USH1C: variants seen among roughly 807,000 people sequenced by gnomAD.
USH1C encodes the protein USH1 protein network component harmonin.
In USH1C, 90 loss-of-function variants were observed where a neutral mutation model predicts 119.3. The ratio of observed to expected loss-of-function variants is 0.75; its 90% confidence interval spans 0.64 to 0.90. The LOEUF is 0.90. USH1C is among the 40% of genes least tolerant of loss of function. The pLI, the probability that USH1C is intolerant of heterozygous loss-of-function variation, is 0.00. For synonymous variants in USH1C, 465 were observed against 443.3 expected (o/e 1.05, Z -0.62); for missense variants, 1,165 against 1,167.7 (o/e 1.00, Z 0.03).
rs547456891 is a variant in USH1C at position 17,540,713 on chromosome 11, G to C, written c.36+3559C>G. Reference sequence around the variant, plus strand: ...CGCAGCCAATCCATCAGCAAAGCCTGTCAGTTTTTCCTTTAACATGTATCC... The same window carrying C: ...CGCAGCCAATCCATCAGCAAAGCCTCTCAGTTTTTCCTTTAACATGTATCC... On this transcript the variant is annotated intron_variant, in intron 1 of 26. Transcript: ENST00000005226. Among the ~76,000 whole-genome samples the C allele has an allele frequency of 2.9e-3, 445 of 152,270 alleles. 3 individuals are homozygous for C. Among genetic ancestry groups the C allele is most frequent in the Middle Eastern group, 6.8e-3 (2 of 292 alleles).
In USH1C at chr11:17,531,346, G is replaced by T. The variant is rs189420616; in HGVS notation, c.248+53C>A. The T allele has an allele frequency of 1.9e-6, 3 of 1,613,702 alleles. No individual in the cohort carries two copies. Among genetic ancestry groups the T allele is most frequent in the Non-Finnish European group, 2.5e-6 (3 of 1,179,910 alleles). On this transcript the variant is annotated intron_variant, in intron 3 of 26. Coordinates refer to ENST00000005226, the MANE Select transcript of USH1C (RefSeq NM_153676.4). The surrounding 1 kb of genome is among the most constrained non-coding windows in gnomAD (Gnocchi z 4.2). ...GCAGCTTGGCTGCCAGCACTGCCCC[G>T]CCCAGGGTGATCTCTCCACCCCCTG...
chr11:17,523,343 G>A (rs1592004802), intron 10 of USH1C, 76 bp from the exon 11 acceptor site: 1 of 1,613,168 alleles, frequency 6.2e-7, no homozygotes, highest in East Asian at 2.2e-5. Context: ...GAAGGCCCCA[G>A]GCTCCAGGGT....
In USH1C at chr11:17,531,298, A is replaced by G; in HGVS notation, c.249-6T>C. 1.2e-6 allele frequency: 2 copies of G among 1,614,132 alleles called. No homozygotes were observed. Among genetic ancestry groups the G allele is most frequent in the Non-Finnish European group, 1.7e-6 (2 of 1,180,036 alleles). On this transcript the variant is annotated splice_polypyrimidine_tract_variant and splice_region_variant and intron_variant, in intron 3 of 26. Coordinates refer to ENST00000005226, the MANE Select transcript of USH1C (RefSeq NM_153676.4). The surrounding 1 kb of genome is among the most constrained non-coding windows in gnomAD (Gnocchi z 4.2). The stretch of plus-strand genomic sequence containing the variant: ...GACGCACCTCCTTCAGCTTCCTGCC[A>G]CACAGGAGAGGTCGGTGATGGTGCA...
chr11:17,517,620 G>A, intron 14 of USH1C: 1 of 795,672 alleles, frequency 1.3e-6, no homozygotes, highest in Admixed American at 2.0e-5. Flanking sequence ...CAGAGTTCAG[G>A]AGAGCAGAGC....
chr11:17,497,561 G>A (rs961980398), intron 24 of USH1C, among the ~76,000 whole-genome samples: 21 of 152,218 alleles, frequency 1.4e-4, no homozygotes, highest in African/African-American at 1.9e-4. Context: ...GTGGGTCCCA[G>A]GCCCATCTGG....
At position 17,495,575 on chromosome 11, in the gene USH1C, C is replaced by T. The variant is rs1849215547; in HGVS notation, c.2649G>A (p.Glu883=). Residue 883 remains glutamate (E), a synonymous_variant, in exon 26 of 27, where the codon GAG becomes GAA. Transcript: ENST00000005226. ...VHRHGFLLQL[E]PTDLLLKSKR... is the part of the protein sequence containing the mutation. ...GGCCCGCCTGCCTATTCACCGTGGG[C>T]TCCAGCTGCAGGAGGAACCCGTGTC... The T allele has an allele frequency of 1.2e-6, 2 of 1,614,104 alleles. No homozygotes were observed. The highest frequency in any genetic ancestry group is 1.7e-6 in the Non-Finnish European group (2 of 1,180,022).
Position 17,495,629 on chromosome 11 carries a change from C to G in USH1C, c.2595G>C (p.Lys865Asn). The G allele has an allele frequency of 6.2e-7, 1 of 1,614,200 alleles. No individual in the cohort carries two copies. Among genetic ancestry groups the G allele is most frequent in the Non-Finnish European group, 8.5e-7 (1 of 1,180,038 alleles). Residue 865 changes from lysine (K) to asparagine (N), a missense_variant, in exon 26 of 27, where the codon AAG becomes AAC. By Grantham distance (94) the Lys-to-Asn change is moderately conservative. Transcript: ENST00000005226. Reference protein sequence around the residue: ...SVAESPQPVRKLLEDRAAVHR... With the variant: ...SVAESPQPVRNLLEDRAAVHR... ...GCACGGCAGCACGGTCTTCAAGGAG[C>G]TTTCGGACCGGTTGGGGGCTTTCAG...
intron 4 of USH1C, among the ~76,000 whole-genome samples, chr11:17,528,310 G>A (rs1850801297): frequency 6.6e-6 from 1 of 152,196 alleles, no homozygotes; most frequent in Admixed American, 6.5e-5. Flanking sequence ...TGGTGAGATT[G>A]CCCCCTGCTG....
intron 26 of USH1C, 63 bp downstream of exon 26, chr11:17,495,506 C>T: frequency 1.3e-6 from 2 of 1,525,382 alleles, no homozygotes; most frequent in East Asian, 2.3e-5. Context: ...ACAGCGTGGG[C>T]AGCAGATGGC....
chr11:17,527,489 T>C (rs949351388), intron 4 of USH1C, among the ~76,000 whole-genome samples, 158 bp from the exon 5 acceptor site: 1 of 151,918 alleles, frequency 6.6e-6, no homozygotes, highest in African/African-American at 2.4e-5. Context: ...CCACCCTCCA[T>C]CAGCCCGGGG....
chr11:17,525,223 A>G (rs1850613059), intron 8 of USH1C, among the ~76,000 whole-genome samples: 1 of 152,188 alleles, frequency 6.6e-6, no homozygotes. Context: ...CATTGACTAG[A>G]GATGGCACCT....
rs766692857 is a variant in USH1C, at chr11:17,522,865, T to G, written c.938A>C (p.Gln313Pro). ...RLAEARQREL[Q>P]RQELLMQKRL... is the part of the protein sequence containing the mutation. Reference sequence around the variant, plus strand: ...CTTCTGCATGAGAAGCTCCTGCCGCTGCAGCTCACGCTGCCGCGCCTCTGC... The same window carrying G: ...CTTCTGCATGAGAAGCTCCTGCCGCGGCAGCTCACGCTGCCGCGCCTCTGC... Residue 313 changes from glutamine (Q) to proline (P), a missense_variant, in exon 12 of 27, where the codon CAG (glutamine) becomes CCG (proline). Physicochemically the swap from Gln to Pro is moderately conservative, Grantham distance 76. Transcript: ENST00000005226. The G allele has an allele frequency of 1.2e-6, 2 of 1,612,742 alleles. No individual in the cohort carries two copies. Among genetic ancestry groups the G allele is most frequent in the Non-Finnish European group, 1.7e-6 (2 of 1,179,628 alleles).
chr11:17,510,184 A>C (rs145335759), intron 17 of USH1C, among the ~76,000 whole-genome samples: 1 of 152,314 alleles, frequency 6.6e-6, no homozygotes, highest in East Asian at 1.9e-4. Flanking sequence ...ACTATCGCAG[A>C]TGAGCTGGGA....
At chr11:17,524,050 T>C (rs1850547860) in intron 9 of USH1C, among the ~76,000 whole-genome samples, 1 of 152,234 alleles carries the variant, frequency 6.6e-6, no homozygotes, top group Non-Finnish European at 1.5e-5. Context: ...CCCTACCATA[T>C]GAGGTACACG....
chr11:17,529,644 C>A (rs6486379), intron 4 of USH1C, among the ~76,000 whole-genome samples: 62,077 of 152,100 alleles, frequency 0.41, 12,736 homozygotes, highest in East Asian at 0.51. Context: ...TCCCACACAG[C>A]CCCTGGCTCA....
At chr11:17,495,167 C>T in intron 26 of USH1C, 1 of 299,732 alleles carries the variant, frequency 3.3e-6, no homozygotes, top group Non-Finnish European at 6.6e-6. Flanking sequence ...GAGGACATCT[C>T]TTGGGGGCAA....
At chr11:17,527,791 G>A (rs933906875) in intron 4 of USH1C, among the ~76,000 whole-genome samples, 9 of 152,328 alleles carry the variant, frequency 5.9e-5, no homozygotes, top group Admixed American at 3.9e-4. Context: ...CTACAACACT[G>A]TAACTGAGTC....
chr11:17,496,725 G>T, intron 25 of USH1C, 33 bp downstream of exon 25: 1 of 1,613,646 alleles, frequency 6.2e-7, no homozygotes, highest in South Asian at 1.1e-5. Context: ...GAAGGAAGAA[G>T]AGGTCTCAGG....
chr11:17,530,276 T>TCC (rs1394802360), intron 4 of USH1C, among the ~76,000 whole-genome samples: 2 of 152,106 alleles, frequency 1.3e-5, no homozygotes, highest in Non-Finnish European at 2.9e-5. Context: ...CAGGTAGGAG[T>TCC]GAGACCTGGA....
Sources: allele counts gnomAD v4.1 joint callset (sites outside exome capture counted in the v4.1 genomes callset), GRCh38; gene constraint gnomAD v4.1.1; non-coding constraint Gnocchi (gnomAD v3.1); transcripts MANE v1.5; gene names NCBI Gene and HGNC (gene_info 2026-07-23, HGNC 2026-07-21).